ZMAT1: variants seen among roughly 807,000 people sequenced by gnomAD.
The protein encoded by ZMAT1 is zinc finger matrin-type protein 1.
ZMAT1 carries 11 observed loss-of-function variants against 18.5 expected under a neutral mutation model. That is an observed-to-expected ratio of 0.59 (90% CI 0.37 to 0.98). ZMAT1 has a LOEUF of 0.98. ZMAT1 is among the 50% of genes least tolerant of loss of function. ZMAT1 has a pLI of 0.01. For synonymous variants in ZMAT1, 211 were observed against 176.4 expected (o/e 1.20, Z -1.55); for missense variants, 525 against 496.2 (o/e 1.06, Z -0.55).
intron 4 of ZMAT1, chrX:101,892,664 A>G (rs1846275620): frequency 8.7e-6 from 6 of 687,522 alleles, no homozygotes; most frequent in African/African-American, 2.4e-5. Context: ...AATTAGTAAG[A>G]TAAACAAAAC....
At chrX:101,916,452 T>C (rs1030157207) in intron 1 of ZMAT1, among the ~76,000 whole-genome samples, 2 of 111,642 alleles carry the variant, frequency 1.8e-5, no homozygotes, top group Non-Finnish European at 3.8e-5. Context: ...CACATAAAAT[T>C]AAATACCTAG....
intron 1 of ZMAT1, among the ~76,000 whole-genome samples, chrX:101,929,264 C>T (rs757341796): frequency 5.7e-4 from 62 of 108,630 alleles, no homozygotes; most frequent in South Asian, 3.9e-4. Context: ...CTTGACAATT[C>T]TTTGACATCT....
intron 1 of ZMAT1, 104 bp downstream of exon 1, chrX:101,931,613 G>GA: frequency 1.7e-6 from 1 of 600,021 alleles, no homozygotes; most frequent in Non-Finnish European, 1.8e-6. Context: ...CACGGCAGGT[G>GA]GGGGTGGGGC....
chrX:101,897,492 TA>T (rs779265558), intron 4 of ZMAT1, among the ~76,000 whole-genome samples: 25 of 46,230 alleles, frequency 5.4e-4, no homozygotes, highest in African/African-American at 1.9e-3. Context: ...AGTATAATAA[TA>T]AAAAAAAGAC....
At chrX:101,915,656 T>C (rs1367652491) in intron 1 of ZMAT1, 1 of 112,430 alleles carries the variant, frequency 8.9e-6, no homozygotes, top group African/African-American at 3.2e-5. Context: ...GGCCCCTGCA[T>C]ATGGATGACA....
chrX:101,913,806 A>C (rs1357050716), intron 1 of ZMAT1, among the ~76,000 whole-genome samples: 1 of 112,082 alleles, frequency 8.9e-6, no homozygotes, highest in African/African-American at 3.2e-5. Context: ...GTCAACAAAG[A>C]AACAGCAGAT....
chrX:101,898,096 C>T, intron 3 of ZMAT1, 23 bp downstream of exon 3: 4 of 1,206,265 alleles, frequency 3.3e-6, no homozygotes. Flanking sequence ...GTTTGGATTA[C>T]AATACCAACA....
chrX:101,917,196 C>T (rs1307404498), intron 1 of ZMAT1, among the ~76,000 whole-genome samples: 1 of 111,653 alleles, frequency 9.0e-6, no homozygotes, highest in Non-Finnish European at 1.9e-5. Context: ...GGGATCATAT[C>T]AAGTTAAAAA....
At chrX:101,928,752 C>T (rs947016708) in intron 1 of ZMAT1, among the ~76,000 whole-genome samples, 3 of 112,310 alleles carry the variant, frequency 2.7e-5, no homozygotes, top group African/African-American at 9.7e-5. Context: ...TAGGGCATTG[C>T]TACACAAACG....
At chrX:101,889,544 A>G (rs920979113) in intron 4 of ZMAT1, 2 of 111,975 alleles carry the variant, frequency 1.8e-5, no homozygotes, top group African/African-American at 6.5e-5. Context: ...CCATATAAAA[A>G]TCACTTAGGG....
At chrX:101,928,609 C>A (rs778916111) in intron 1 of ZMAT1, among the ~76,000 whole-genome samples, 1 of 112,697 alleles carries the variant, frequency 8.9e-6, no homozygotes, top group African/African-American at 3.2e-5. Context: ...TGCCCGCCTC[C>A]GCCTTCCAAA....
At chrX:101,891,361 T>C (rs1643101152) in intron 4 of ZMAT1, among the ~76,000 whole-genome samples, 1 of 111,585 alleles carries the variant, frequency 9.0e-6, no homozygotes, top group South Asian at 3.7e-4. Flanking sequence ...GTATGTGTTG[T>C]TTTAATGGGT....
intron 4 of ZMAT1, chrX:101,889,103 T>C (rs1466542979): frequency 9.0e-6 from 1 of 111,594 alleles, no homozygotes; most frequent in Non-Finnish European, 1.9e-5. Context: ...AGCCCTTGGC[T>C]TTTTCACATA....
intron 4 of ZMAT1, among the ~76,000 whole-genome samples, chrX:101,895,547 A>C (rs1927736295): frequency 9.0e-6 from 1 of 111,660 alleles, no homozygotes; most frequent in Non-Finnish European, 1.9e-5. Context: ...TGTTTTATAA[A>C]ACACAAACTT....
In ZMAT1 at chrX:101,913,450, T is replaced by C. The variant is rs912097323; in HGVS notation, c.293-9120A>G. 1.3e-4 allele frequency among the ~76,000 whole-genome samples: 15 copies of C among 111,813 alleles called. No individual in the cohort carries two copies. In the Admixed American group the frequency reaches 1.4e-3, roughly 11 times the overall value. On this transcript the variant is annotated intron_variant, in intron 1 of 5. Transcript: ENST00000651725. ...GATCTGTTGCCTAGAGGAAACATAC[T>C]TTACCTATACAGACACACAGACTGA...
intron 1 of ZMAT1, among the ~76,000 whole-genome samples, chrX:101,921,133 C>T (rs1328744355): frequency 1.8e-5 from 2 of 111,303 alleles, no homozygotes; most frequent in Admixed American, 1.9e-4. Context: ...TATATTTGGC[C>T]GTAATCTCTT....
rs187050873 is a variant in ZMAT1, at chrX:101,886,591, G to A, written c.776+41C>T. The A allele has an allele frequency of 3.2e-6, 3 of 947,373 alleles. No individual in the cohort carries two copies. The African/African-American group carries it at 5.9e-5, about 19-fold the overall frequency. 78.1% of individuals were successfully genotyped at this position (947,373 alleles called of 1,213,427 possible). ...CAAAGAGTGCTTGACTAGAAGCTCT[G>A]GTCTTTGGTATCATAGGAAAATTTT... On this transcript the variant is annotated intron_variant, in intron 5 of 5. Coordinates refer to ENST00000651725, the MANE Select transcript of ZMAT1 (RefSeq NM_001394560.1).
chrX:101,923,907 T>C (rs1436556908), intron 1 of ZMAT1, among the ~76,000 whole-genome samples: 1 of 111,559 alleles, frequency 9.0e-6, no homozygotes, highest in Admixed American at 9.5e-5. Context: ...GACAACATAC[T>C]AAATATTGTG....
rs1012231946 is a variant in ZMAT1 at position 101,931,537 on chromosome X, G to C, written c.292+180C>G. ...GGTAGGGAAGGCCCTCTCTGCTTCA[G>C]TCCATCTTGCACACTCGGGGCTAAT... On this transcript the variant is annotated intron_variant, in intron 1 of 5. Coordinates refer to ENST00000651725, the MANE Select transcript of ZMAT1 (RefSeq NM_001394560.1). 4.3e-5 allele frequency: 32 copies of C among 739,662 alleles called. No individual in the cohort carries two copies. The African/African-American group carries it at 7.4e-4, about 17-fold the overall frequency. The allele number at this position is 739,662 out of a possible 1,213,427, so 61.0% of individuals were successfully genotyped here. A position where few individuals can be genotyped will look rare whatever the true frequency, so the allele number is the denominator to read the frequency against.
Sources: allele counts gnomAD v4.1 joint callset (sites outside exome capture counted in the v4.1 genomes callset), GRCh38; gene constraint gnomAD v4.1.1; transcripts MANE v1.5; gene names NCBI Gene and HGNC (gene_info 2026-07-23, HGNC 2026-07-21).